Variants in SHANK2 observed in about 807,000 individuals in gnomAD.
SHANK2 encodes the protein SH3 and multiple ankyrin repeat domains 2.
In SHANK2, 43 loss-of-function variants were observed where a neutral mutation model predicts 133.7. The observed-to-expected ratio is 0.32, with a 90% CI of 0.25 to 0.41. SHANK2 has a LOEUF of 0.41. Ranked by LOEUF, SHANK2 falls within the 10% of genes least tolerant of loss-of-function variation. The pLI is 1.00. For synonymous variants in SHANK2, 1,017 were observed against 952.8 expected, an observed-to-expected ratio of 1.07 and a Z score of -1.24; for missense variants, 1,994 against 2,235.8, an observed-to-expected ratio of 0.89 and a Z score of 2.18.
chr11:71,090,965 T>C (rs1481000180), intron 8 of SHANK2, among the ~76,000 whole-genome samples: 1 of 151,130 alleles, frequency 6.6e-6, no homozygotes, highest in Non-Finnish European at 1.5e-5. Context: ...TCGGCTTAAC[T>C]CAAAGTCCAC....
At chr11:70,816,340 C>A (rs1225122102) in intron 12 of SHANK2, among the ~76,000 whole-genome samples, 2 of 152,230 alleles carry the variant, frequency 1.3e-5, no homozygotes, top group African/African-American at 2.4e-5. Flanking sequence ...GCGGTCAGCA[C>A]TGCTTGGGGG....
In SHANK2 at chr11:70,492,212, C is replaced by T. The variant is rs920424246; in HGVS notation, c.2439+123G>A. 1.7e-5 allele frequency: 24 copies of T among 1,425,512 alleles called. No individual in the cohort carries two copies. The African/African-American group carries it at 3.1e-4, about 18-fold the overall frequency. 88.3% of individuals were successfully genotyped at this position (1,425,512 alleles called of 1,614,324 possible). A position where few individuals can be genotyped will look rare whatever the true frequency, so the allele number is the denominator to read the frequency against. ...TGTCCTGTGGCCACTTAGATTTGGGCCCCACCTCTGGACAGCACGAACCAG... is the reference window on the plus strand; with the variant it reads ...TGTCCTGTGGCCACTTAGATTTGGGTCCCACCTCTGGACAGCACGAACCAG... On this transcript the variant is annotated intron_variant, in intron 22 of 25. Transcript: ENST00000601538.
chr11:70,761,895 T>C (rs1947005117), intron 14 of SHANK2, among the ~76,000 whole-genome samples: 1 of 152,054 alleles, frequency 6.6e-6, no homozygotes. Flanking sequence ...GAGTCTGGGA[T>C]TCTGCATTCC....
chr11:70,544,291 TC>T (rs1554975771), intron 17 of SHANK2, among the ~76,000 whole-genome samples: 1 of 152,062 alleles, frequency 6.6e-6, no homozygotes, highest in Admixed American at 6.6e-5. Flanking sequence ...AATGGGCCAG[TC>T]CCAGCAGCTA....
chr11:70,494,166 T>C (rs1324594569), intron 21 of SHANK2, among the ~76,000 whole-genome samples: 1 of 152,150 alleles, frequency 6.6e-6, no homozygotes, highest in Non-Finnish European at 1.5e-5. Flanking sequence ...CCCCTCAACC[T>C]TGCAGAGCAG....
rs757432921 is a variant in SHANK2, at chr11:70,948,349, C to T, written c.1108-51782G>A. 3.2e-4 allele frequency: 147 copies of T among 457,162 alleles called. 1 individual carries two copies. Among genetic ancestry groups the T allele is most frequent in the Non-Finnish European group, 5.1e-4 (115 of 227,126 alleles). The allele number at this position is 457,162 out of a possible 1,614,324, so 28.3% of individuals were successfully genotyped here. A position where few individuals can be genotyped will look rare whatever the true frequency, so the allele number is the denominator to read the frequency against. On this transcript the variant is annotated intron_variant, in intron 10 of 25. Transcript: ENST00000601538. Reference sequence around the variant, plus strand: ...AGTGTGGTGTGGCTCACTGATGTGTCCCCAGCACCTAGAAGACAGCGTGGC... The same window carrying T: ...AGTGTGGTGTGGCTCACTGATGTGTTCCCAGCACCTAGAAGACAGCGTGGC...
intron 17 of SHANK2, among the ~76,000 whole-genome samples, chr11:70,506,369 C>T (rs1470297211): frequency 6.6e-6 from 1 of 152,222 alleles, no homozygotes; most frequent in Non-Finnish European, 1.5e-5. Context: ...ATTCCATCCC[C>T]TGTACCCCTC....
At chr11:71,189,220 T>C (rs2135573674) in intron 2 of SHANK2, among the ~76,000 whole-genome samples, 1 of 152,306 alleles carries the variant, frequency 6.6e-6, no homozygotes, top group East Asian at 1.9e-4. Flanking sequence ...GGTGTGTGAT[T>C]CCCCCAGGGG....
intron 11 of SHANK2, among the ~76,000 whole-genome samples, chr11:70,860,279 C>T (rs1555067536): frequency 6.6e-6 from 1 of 152,206 alleles, no homozygotes; most frequent in African/African-American, 2.4e-5. Context: ...TTTCTCAGCT[C>T]TGTACTTGGC....
chr11:71,222,462 C>T (rs897216677), intron 2 of SHANK2, among the ~76,000 whole-genome samples: 2 of 152,156 alleles, frequency 1.3e-5, no homozygotes, highest in Non-Finnish European at 2.9e-5. Context: ...TCCTTTCTTA[C>T]GAAGCTCCCA....
At chr11:70,608,697 C>T (rs539295093) in intron 17 of SHANK2, among the ~76,000 whole-genome samples, 7 of 152,326 alleles carry the variant, frequency 4.6e-5, no homozygotes, top group East Asian at 1.9e-4. Flanking sequence ...CACCTCGACA[C>T]GGGGGTGAGG....
chr11:70,750,454 T>C (rs1946731086), intron 14 of SHANK2, among the ~76,000 whole-genome samples: 2 of 152,234 alleles, frequency 1.3e-5, no homozygotes, highest in South Asian at 4.1e-4. Flanking sequence ...GGAATCCCCA[T>C]TGCTTTTGGC....
chr11:70,483,897 T>G (rs1332268002), intron 25 of SHANK2, among the ~76,000 whole-genome samples: 1 of 152,218 alleles, frequency 6.6e-6, no homozygotes, highest in African/African-American at 2.4e-5. Context: ...GTCATTTATT[T>G]ACATCCACAC....
intron 4 of SHANK2, among the ~76,000 whole-genome samples, chr11:71,115,659 T>C (rs1473082931): frequency 6.6e-6 from 1 of 152,064 alleles, no homozygotes; most frequent in East Asian, 1.9e-4. Context: ...CTCAATGTCA[T>C]GAATGGGAAT....
chr11:70,603,572 A>G (rs1468510515), intron 17 of SHANK2: 1 of 152,332 alleles, frequency 6.6e-6, no homozygotes, highest in African/African-American at 2.4e-5. Context: ...CACTGACACC[A>G]AGGAACAGAG....
intron 7 of SHANK2, among the ~76,000 whole-genome samples, chr11:71,093,612 G>A (rs73521130): frequency 0.14 from 21,248 of 152,100 alleles, 1,561 homozygotes; most frequent in Non-Finnish European, 0.16. Flanking sequence ...CACAGGAACT[G>A]CCTGCTCCCG....
chr11:71,132,535 C>T lies in SHANK2; in HGVS notation c.208-13503G>A, dbSNP rs114359821. On this transcript the variant is annotated intron_variant, in intron 3 of 25. Transcript: ENST00000601538. ...TAAGTAGGCATTAACTCTAAGCCAACGATGAAGAGCACCTCAAGTCAAGAC... is the reference window on the plus strand; with the variant it reads ...TAAGTAGGCATTAACTCTAAGCCAATGATGAAGAGCACCTCAAGTCAAGAC... Among the ~76,000 whole-genome samples the T allele has an allele frequency of 7.3e-3, 1,114 of 152,282 alleles. 15 individuals are homozygous for T. The highest frequency in any genetic ancestry group is 0.026 in the African/African-American group (1,064 of 41,552).
At chr11:71,193,110 T>G (rs1162809864) in intron 2 of SHANK2, among the ~76,000 whole-genome samples, 1 of 152,188 alleles carries the variant, frequency 6.6e-6, no homozygotes, top group Non-Finnish European at 1.5e-5. Flanking sequence ...ACAAATGGCC[T>G]CCAGGCAATG....
chr11:70,898,264 C>A (rs1231983612), intron 10 of SHANK2, among the ~76,000 whole-genome samples: 2 of 121,810 alleles, frequency 1.6e-5, no homozygotes, highest in Admixed American at 9.2e-5. Context: ...CTGTGCCTGG[C>A]CAAATATATA....
Sources: allele counts gnomAD v4.1 joint callset (sites outside exome capture counted in the v4.1 genomes callset), GRCh38; gene constraint gnomAD v4.1.1; transcripts MANE v1.5; gene names NCBI Gene and HGNC (gene_info 2026-07-23, HGNC 2026-07-21).